RAPGEF4: variants seen among roughly 807,000 people sequenced by gnomAD.
The protein encoded by RAPGEF4 is Rap guanine nucleotide exchange factor 4, also known as RAP guanine-nucleotide-exchange factor (GEF) 4.
Under a neutral mutation model 147.9 loss-of-function variants are expected in RAPGEF4, and 66 were observed. The ratio of observed to expected loss-of-function variants is 0.45; its 90% confidence interval spans 0.37 to 0.55. RAPGEF4 has a LOEUF of 0.55. Ranked by LOEUF, RAPGEF4 falls within the 20% of genes least tolerant of loss-of-function variation. The pLI is 0.00. For synonymous variants in RAPGEF4, 419 were observed against 442.7 expected, an observed-to-expected ratio of 0.95 and a Z score of 0.67; for missense variants, 1,071 against 1,257.3, an observed-to-expected ratio of 0.85 and a Z score of 2.24.
At chr2:172,752,588 T>C (rs1336231892) in intron 1 of RAPGEF4, among the ~76,000 whole-genome samples, 1 of 152,218 alleles carries the variant, frequency 6.6e-6, no homozygotes, top group Non-Finnish European at 1.5e-5. Flanking sequence ...GTAGTTAGCA[T>C]CCAGGTTTTA....
intron 4 of RAPGEF4, among the ~76,000 whole-genome samples, chr2:172,834,671 C>T (rs1214853066): frequency 6.6e-6 from 1 of 152,112 alleles, no homozygotes; most frequent in Non-Finnish European, 1.5e-5. Context: ...TAGGGGTAAA[C>T]ATTCTGCAAA....
At chr2:172,891,660 G>A (rs1697928827) in intron 4 of RAPGEF4, among the ~76,000 whole-genome samples, 1 of 152,196 alleles carries the variant, frequency 6.6e-6, no homozygotes, top group Non-Finnish European at 1.5e-5. Flanking sequence ...ATGGAAGGAT[G>A]GGCGGGTGCC....
intron 1 of RAPGEF4, among the ~76,000 whole-genome samples, chr2:172,754,725 G>T (rs997800327): frequency 6.6e-6 from 1 of 152,184 alleles, no homozygotes; most frequent in Admixed American, 6.6e-5. Flanking sequence ...AAAAAATTTG[G>T]AAATGTCAAG....
intron 3 of RAPGEF4, among the ~76,000 whole-genome samples, chr2:172,813,236 T>A (rs16860897): frequency 0.19 from 29,107 of 152,162 alleles, 3,007 homozygotes; most frequent in East Asian, 0.21. Flanking sequence ...CTGGGCTTTC[T>A]AACTCAGAGG....
At chr2:172,800,130 A>G (rs2149561819) in intron 3 of RAPGEF4, among the ~76,000 whole-genome samples, 1 of 152,312 alleles carries the variant, frequency 6.6e-6, no homozygotes, top group South Asian at 2.1e-4. Flanking sequence ...GAATGAGTTA[A>G]TTTAATACCA....
chr2:172,738,700 A>C (rs913378776), intron 1 of RAPGEF4, among the ~76,000 whole-genome samples: 11 of 152,156 alleles, frequency 7.2e-5, no homozygotes, highest in African/African-American at 2.7e-4. Flanking sequence ...AGTACAATGA[A>C]CCCATGTGGG....
intron 1 of RAPGEF4, among the ~76,000 whole-genome samples, chr2:172,765,929 A>G (rs1696792705): frequency 6.6e-6 from 1 of 152,130 alleles, no homozygotes; most frequent in Admixed American, 6.5e-5. Context: ...AGGGGAGGAC[A>G]TGAAGTAGCT....
chr2:172,858,702 T>C (rs1223059761), intron 4 of RAPGEF4, among the ~76,000 whole-genome samples: 1 of 152,236 alleles, frequency 6.6e-6, no homozygotes, highest in Non-Finnish European at 1.5e-5. Context: ...TGGATGTTTG[T>C]GGAGCAGTTA....
chr2:172,923,779 C>G (rs1685004138), intron 6 of RAPGEF4, among the ~76,000 whole-genome samples: 1 of 152,106 alleles, frequency 6.6e-6, no homozygotes, highest in Non-Finnish European at 1.5e-5. Flanking sequence ...AAAGCACAGA[C>G]AAGTAGAGTA....
chr2:172,913,575 C>G (rs1683692051), intron 4 of RAPGEF4, among the ~76,000 whole-genome samples: 1 of 152,194 alleles, frequency 6.6e-6, no homozygotes, highest in Non-Finnish European at 1.5e-5. Flanking sequence ...TGGAATGACT[C>G]CAAGGCTGGA....
intron 4 of RAPGEF4, among the ~76,000 whole-genome samples, chr2:172,831,266 C>CTTTTTTTTTTTCT (rs1690284214): frequency 1.9e-5 from 1 of 53,876 alleles, no homozygotes; most frequent in East Asian, 6.2e-4. Flanking sequence ...AGATAGAAAA[C>CTTTTTTTTTTTCT]TTTTTTTTTT....
At chr2:172,973,878 G>A (rs1416442570) in intron 10 of RAPGEF4, among the ~76,000 whole-genome samples, 6 of 152,188 alleles carry the variant, frequency 3.9e-5, no homozygotes, top group African/African-American at 1.2e-4. Context: ...TGTAAATGAA[G>A]TGAAAATACT....
Position 172,990,888 on chromosome 2 carries a change from A to G in RAPGEF4, c.1453A>G (p.Arg485Gly), listed in dbSNP as rs976763426. The change falls in exon 15 of 31, where the codon AGA (arginine) becomes GGA (glycine). Residue 485 changes from arginine (R) to glycine (G), a missense_variant. Arg to Gly is a moderately radical substitution (Grantham distance 125, BLOSUM62 -2). Transcript: ENST00000397081. ...LVLEKVPAGNRASNQGNSQPQ... is the reference protein window; with the variant it reads ...LVLEKVPAGNGASNQGNSQPQ... The stretch of plus-strand genomic sequence containing the variant: ...GCTGGAGAAGGTCCCAGCAGGGAAC[A>G]GAGCTTCTAATCAAGGAAACTCACA... 11 of 1,613,936 alleles carry G rather than the reference A, an allele frequency of 6.8e-6. No homozygotes were observed. The highest frequency in any genetic ancestry group is 1.3e-5 in the African/African-American group (1 of 74,946).
At position 173,018,163 on chromosome 2, in the gene RAPGEF4, G is replaced by A. The variant is rs148046847; in HGVS notation, c.2009-493G>A. Among the ~76,000 whole-genome samples, 620 of 152,288 alleles carry A rather than the reference G, an allele frequency of 4.1e-3. 4 individuals carry two copies. The highest frequency in any genetic ancestry group is 0.013 in the African/African-American group (542 of 41,548). ...AGATCTGCTGATCTAAGTCTGCTGA[G>A]CTAAATAGCATCCGAGCTTACATGG... On this transcript the variant is annotated intron_variant, in intron 21 of 30. Coordinates refer to ENST00000397081, the MANE Select transcript of RAPGEF4 (RefSeq NM_007023.4).
rs1312156300 is a variant in RAPGEF4, at chr2:172,931,175, G to GC, written c.537+8875_537+8876insC. On this transcript the variant is annotated intron_variant, in intron 6 of 30. Coordinates refer to ENST00000397081, the MANE Select transcript of RAPGEF4 (RefSeq NM_007023.4). ...GTAAGATCAAGCCAGGCCGGGGTGG[G>GC]GGGGGGGGGCGCTGGGGGGCGGGGG... 1.3e-4 allele frequency among the ~76,000 whole-genome samples: 14 copies of GC among 108,118 alleles called. 3 individuals are homozygous for GC. The East Asian group carries it at 4.3e-3, about 33-fold the overall frequency. The allele number at this position is 108,118 out of a possible 152,430, so 70.9% of individuals were successfully genotyped here.
At chr2:172,791,960 C>A (rs1475808580) in intron 1 of RAPGEF4, among the ~76,000 whole-genome samples, 1 of 152,238 alleles carries the variant, frequency 6.6e-6, no homozygotes, top group African/African-American at 2.4e-5. Flanking sequence ...GGATTCTAAT[C>A]TCTGTTTGTC....
rs187796176 is a variant in RAPGEF4 at position 172,987,125 on chromosome 2, G to A, written c.1151-1071G>A. On this transcript the variant is annotated intron_variant, in intron 12 of 30. Transcript: ENST00000397081. ...TCCAGGAGTTCGAGATCAGCCTGGG[G>A]AACATGGCGAAACCCTGTCTGTAAA... is the stretch of plus-strand genomic sequence containing the variant. 3.1e-3 allele frequency among the ~76,000 whole-genome samples: 465 copies of A among 152,142 alleles called. 2 individuals are homozygous for A. The highest frequency in any genetic ancestry group is 4.1e-3 in the Non-Finnish European group (282 of 68,000).
At chr2:172,966,389 C>T (rs1338905241) in intron 9 of RAPGEF4, among the ~76,000 whole-genome samples, 1 of 152,178 alleles carries the variant, frequency 6.6e-6, no homozygotes, top group Non-Finnish European at 1.5e-5. Context: ...TCACCTGGGA[C>T]TCTTGTTAAA....
chr2:172,792,976 A>C (rs1011319383), intron 1 of RAPGEF4, among the ~76,000 whole-genome samples: 1 of 152,236 alleles, frequency 6.6e-6, no homozygotes, highest in Non-Finnish European at 1.5e-5. Context: ...GTTTAAAACA[A>C]CAAACACTTT....
Sources: allele counts gnomAD v4.1 joint callset (sites outside exome capture counted in the v4.1 genomes callset), GRCh38; gene constraint gnomAD v4.1.1; transcripts MANE v1.5; gene names NCBI Gene and HGNC (gene_info 2026-07-23, HGNC 2026-07-21).